ZNF362: variants seen among roughly 807,000 people sequenced by gnomAD.
ZNF362 encodes rotund homolog.
In ZNF362, 11 loss-of-function variants were observed where a neutral mutation model predicts 42.9. The ratio of observed to expected loss-of-function variants is 0.26; its 90% confidence interval spans 0.16 to 0.42. The LOEUF (loss-of-function observed/expected upper bound fraction) is 0.42, where lower values mean the gene tolerates loss of function less well. Among genes scored for constraint, ZNF362 ranks in the 20% least tolerant of loss-of-function variants. The pLI is 1.00. For synonymous variants in ZNF362, 255 were observed against 257.3 expected, an observed-to-expected ratio of 0.99 and a Z score of 0.09; for missense variants, 362 against 576.2, an observed-to-expected ratio of 0.63 and a Z score of 3.81.
chr1:33,238,957 G>A, the ZNF362 span, among the ~76,000 whole-genome samples: 1 of 152,140 alleles, frequency 6.6e-6, no homozygotes, highest in African/African-American at 2.4e-5. Context: ...AATTTCTGTT[G>A]TTTAATCCAT....
chr1:33,286,113 T>C (rs1371098739), intron 6 of ZNF362, among the ~76,000 whole-genome samples: 1 of 152,060 alleles, frequency 6.6e-6, no homozygotes, highest in African/African-American at 2.4e-5. Context: ...CAAAACCCAA[T>C]CATTGTAAGC....
intron 6 of ZNF362, among the ~76,000 whole-genome samples, chr1:33,288,178 G>A (rs984282717): frequency 6.6e-6 from 1 of 152,152 alleles, no homozygotes; most frequent in African/African-American, 2.4e-5. Flanking sequence ...GAGGCTGAGG[G>A]AGGCAGAGTC....
upstream of ZNF362, among the ~76,000 whole-genome samples, chr1:33,252,958 G>T (rs770904432): frequency 6.6e-5 from 10 of 152,086 alleles, no homozygotes; most frequent in South Asian, 2.1e-4. Context: ...CATTTATTCC[G>T]ATGCATCGTG....
At chr1:33,152,552 A>G in the ZNF362 span, among the ~76,000 whole-genome samples, 1 of 148,004 alleles carries the variant, frequency 6.8e-6, no homozygotes, top group Non-Finnish European at 1.5e-5. Flanking sequence ...GGGCAACAAG[A>G]GTGAAACTCC....
chr1:33,243,221 T>C, the ZNF362 span, among the ~76,000 whole-genome samples: 1 of 152,052 alleles, frequency 6.6e-6, no homozygotes, highest in Non-Finnish European at 1.5e-5. Context: ...AGTGGCGCTA[T>C]CTTGGCTCAC....
chr1:33,158,345 G>A, the ZNF362 span: 1 of 1,613,760 alleles, frequency 6.2e-7, no homozygotes, highest in African/African-American at 1.3e-5. Flanking sequence ...TGTGAGGTTG[G>A]TCTCATGGAT....
At chr1:33,160,387 T>G in the ZNF362 span, among the ~76,000 whole-genome samples, 1 of 152,008 alleles carries the variant, frequency 6.6e-6, no homozygotes, top group Non-Finnish European at 1.5e-5. Flanking sequence ...TAGTGAAGTC[T>G]TTATTTTTTT....
chr1:33,178,550 G>GT, the ZNF362 span, among the ~76,000 whole-genome samples: 2 of 152,246 alleles, frequency 1.3e-5, no homozygotes, highest in African/African-American at 4.8e-5. Flanking sequence ...AAGGTGGGCT[G>GT]TATGTTATTC....
rs1442930734 is a variant in ZNF362 at position 33,281,919 on chromosome 1, T to C, written c.908+108T>C. 2.5e-6 allele frequency: 3 copies of C among 1,190,562 alleles called. No individual in the cohort carries two copies. Among genetic ancestry groups the C allele is most frequent in the Non-Finnish European group, 1.2e-6 (1 of 829,714 alleles). 73.7% of individuals were successfully genotyped at this position (1,190,562 alleles called of 1,614,324 possible). A position where few individuals can be genotyped will look rare whatever the true frequency, so the allele number is the denominator to read the frequency against. ...GGCAAGGACCTTCTCCAGGTGCCCA[T>C]TGCCCTCGGGGTCACGGCCCTTGTG... On this transcript the variant is annotated intron_variant, in intron 6 of 8. Coordinates refer to ENST00000539719, the MANE Select transcript of ZNF362 (RefSeq NM_152493.3). The surrounding 1 kb of genome is among the most constrained non-coding windows in gnomAD (Gnocchi z 4.8).
At chr1:33,200,105 A>G in the ZNF362 span, 1 of 152,326 alleles carries the variant, frequency 6.6e-6, no homozygotes, top group Non-Finnish European at 1.5e-5. Flanking sequence ...AGGAGGGGCT[A>G]AGTGGAAGTG....
chr1:33,205,507 A>G, the ZNF362 span, among the ~76,000 whole-genome samples: 2 of 152,206 alleles, frequency 1.3e-5, no homozygotes, highest in African/African-American at 4.8e-5. Flanking sequence ...AATGCAAAGG[A>G]TCTAAAATAG....
the ZNF362 span, among the ~76,000 whole-genome samples, chr1:33,130,337 C>T: frequency 2.6e-5 from 4 of 152,202 alleles, no homozygotes; most frequent in South Asian, 6.2e-4. Context: ...TTAGAAGTGA[C>T]GGGTTGTCAT....
the ZNF362 span, among the ~76,000 whole-genome samples, chr1:33,177,099 A>G: frequency 6.6e-6 from 1 of 151,698 alleles, no homozygotes; most frequent in Non-Finnish European, 1.5e-5. The surrounding 1 kb of genome is among the most constrained non-coding windows in gnomAD (Gnocchi z 4.1). Context: ...AAATGCACAC[A>G]CATGCACACA....
chr1:33,212,424 T>G, the ZNF362 span, among the ~76,000 whole-genome samples: 1 of 152,220 alleles, frequency 6.6e-6, no homozygotes, highest in South Asian at 2.1e-4. Context: ...GCCATTCCAC[T>G]TCTAGGTACC....
chr1:33,218,578 T>A, the ZNF362 span, among the ~76,000 whole-genome samples: 1 of 152,224 alleles, frequency 6.6e-6, no homozygotes, highest in Non-Finnish European at 1.5e-5. Context: ...ACAGGTGAAC[T>A]TGTCATTATT....
chr1:33,226,362 T>C, the ZNF362 span, among the ~76,000 whole-genome samples: 1 of 152,208 alleles, frequency 6.6e-6, no homozygotes, highest in Admixed American at 6.5e-5. Context: ...GAGTCAGTGA[T>C]GGTTTTTAAA....
At chr1:33,257,967 G>C (rs1394845792) in intron 1 of ZNF362, among the ~76,000 whole-genome samples, 1 of 152,198 alleles carries the variant, frequency 6.6e-6, no homozygotes, top group Admixed American at 6.5e-5. Context: ...TGCCCCCAGA[G>C]GTGGCAGCTG....
At chr1:33,171,716 A>C in the ZNF362 span, among the ~76,000 whole-genome samples, 1 of 152,192 alleles carries the variant, frequency 6.6e-6, no homozygotes, top group African/African-American at 2.4e-5. Flanking sequence ...AGCTGACAAC[A>C]CCTGGCTGTG....
intron 6 of ZNF362, among the ~76,000 whole-genome samples, chr1:33,285,924 G>A (rs377370531): frequency 6.6e-6 from 1 of 152,196 alleles, no homozygotes; most frequent in East Asian, 1.9e-4. Flanking sequence ...TTAGCCAGGT[G>A]TGGTGGCGGG....
Sources: gnomAD v4.1 joint callset for allele counts (sites outside exome capture counted in the v4.1 genomes callset) on GRCh38, gnomAD v4.1.1 for gene constraint, Gnocchi (gnomAD v3.1) non-coding constraint, MANE v1.5 for transcripts, NCBI Gene and HGNC (gene_info 2026-07-23, HGNC 2026-07-21) for gene names.